The following TENT5B variants were observed in gnomAD, a reference collection of about 807,000 sequenced individuals.
TENT5B encodes terminal nucleotidyltransferase 5B, also known as family with sequence similarity 46 member B.
Under a neutral mutation model 21.7 loss-of-function variants are expected in TENT5B, and 12 were observed. The ratio of observed to expected loss-of-function variants is 0.55; its 90% confidence interval spans 0.36 to 0.90. The LOEUF (loss-of-function observed/expected upper bound fraction) is 0.90. TENT5B is among the 40% of genes least tolerant of loss of function. The pLI, the probability that TENT5B is intolerant of heterozygous loss-of-function variation, is 0.01. For synonymous variants in TENT5B, 262 were observed against 266.6 expected (o/e 0.98, Z 0.17); for missense variants, 540 against 601.5 (o/e 0.90, Z 1.07).
chr1:27,005,937 GTC>G lies in TENT5B; in HGVS notation c.*5_*6del. The G allele has an allele frequency of 6.4e-7, 1 of 1,550,770 alleles. No individual in the cohort carries two copies. Among genetic ancestry groups the G allele is most frequent in the African/African-American group, 1.4e-5 (1 of 73,684 alleles). ...CCCAGTCCCTTCCCTTCTGGCCAGGGTCTGAGTCAGTTACAAGGCAGCCAGGT... is the reference window on the plus strand; with the variant it reads ...CCCAGTCCCTTCCCTTCTGGCCAGGGTGAGTCAGTTACAAGGCAGCCAGGT... On this transcript the variant is annotated 3_prime_UTR_variant, in exon 2 of 2. Transcript: ENST00000289166.
Position 27,012,813 on chromosome 1 carries a change from A to C in TENT5B, c.-143T>G. The C allele has an allele frequency of 1.8e-6, 2 of 1,113,242 alleles. No homozygotes were observed. The highest frequency in any genetic ancestry group is 2.4e-6 in the Non-Finnish European group (2 of 837,246). 69.0% of individuals were successfully genotyped at this position (1,113,242 alleles called of 1,614,324 possible). The stretch of plus-strand genomic sequence containing the variant: ...AACGACGGCGAGACAAAGCCAGGGA[A>C]CACCTCAGACGGCGACGACTAACCG... On this transcript the variant is annotated 5_prime_UTR_variant, in exon 1 of 2. Transcript: ENST00000289166.
rs1436141511 is a variant in TENT5B, at chr1:27,006,432, G to A, written c.790C>T (p.Arg264Cys). Reference sequence around the variant, plus strand: ...TCGGGACTGCGCGTGGCGATGACACGGTGCCGCAGGTGCTCCAGGGCCTCG... The same window carrying A: ...TCGGGACTGCGCGTGGCGATGACACAGTGCCGCAGGTGCTCCAGGGCCTCG... The part of the protein sequence containing the change: ...FTEALEHLRH[R>C]VIATRSPEEI... The change falls in exon 2 of 2, where the codon CGT becomes TGT. Residue 264 changes from arginine (R) to cysteine (C), a missense_variant. Arg to Cys is a radical substitution (Grantham distance 180, BLOSUM62 -3). Coordinates refer to ENST00000289166, the MANE Select transcript of TENT5B (RefSeq NM_052943.4). The surrounding 1 kb of genome is among the most constrained non-coding windows in gnomAD (Gnocchi z 9.4). 5 of 1,613,366 alleles carry A rather than the reference G, an allele frequency of 3.1e-6. No individual in the cohort carries two copies. The highest frequency in any genetic ancestry group is 1.7e-5 in the Admixed American group (1 of 59,992).
chr1:27,006,942 G>T lies in TENT5B; in HGVS notation c.280C>A (p.Leu94Met), dbSNP rs2082602959. ...TGCACATGTAGTCCCTGCTCCTCCA[G>T]GGTGCTGCGGACCACCTGCAGGGGA... Reference protein sequence around the residue: ...RQIVQVVRSTLEEQGLHVHSV... With the variant: ...RQIVQVVRSTMEEQGLHVHSV... The change falls in exon 2 of 2, where the codon CTG (leucine) becomes ATG (methionine). Residue 94 changes from leucine to methionine, a missense_variant. Coordinates refer to ENST00000289166, the MANE Select transcript of TENT5B (RefSeq NM_052943.4). The surrounding 1 kb of genome is among the most constrained non-coding windows in gnomAD (Gnocchi z 9.4). 2 of 1,587,350 alleles carry T rather than the reference G, an allele frequency of 1.3e-6. No homozygotes were observed. The highest frequency in any genetic ancestry group is 1.1e-5 in the South Asian group (1 of 87,880).
chr1:27,010,327 G>A (rs945604846), intron 1 of TENT5B, among the ~76,000 whole-genome samples: 25 of 152,108 alleles, frequency 1.6e-4, no homozygotes, highest in Non-Finnish European at 1.0e-4. Flanking sequence ...CCTTGCAGGG[G>A]GGTAGAGGGA....
chr1:27,011,196 G>A (rs2124208214), intron 1 of TENT5B, among the ~76,000 whole-genome samples: 1 of 152,294 alleles, frequency 6.6e-6, no homozygotes, highest in East Asian at 1.9e-4. Flanking sequence ...GTCAGCCAAG[G>A]AGAATCTGCC....
At chr1:27,009,192 C>T (rs1005790794) in intron 1 of TENT5B, among the ~76,000 whole-genome samples, 20 of 151,694 alleles carry the variant, frequency 1.3e-4, no homozygotes, top group African/African-American at 4.1e-4. Flanking sequence ...TGGTCTCGAA[C>T]TCCCGGACTC....
intron 1 of TENT5B, among the ~76,000 whole-genome samples, chr1:27,011,690 T>G (rs1451986523): frequency 6.6e-6 from 1 of 152,212 alleles, no homozygotes; most frequent in Non-Finnish European, 1.5e-5. Flanking sequence ...GTCAGAATTC[T>G]CTTCTCCCTT....
In TENT5B at chr1:27,006,786, C is replaced by T. The variant is rs1234485268; in HGVS notation, c.436G>A (p.Val146Met). ...AAGTCTAGTAGGCAGGCCAGCACCA[C>T]TGCCTTGGTCAGCTGGAAGGATGCC... ...SEASFQLTKAVVLACLLDFLP... is the reference protein window; with the variant it reads ...SEASFQLTKAMVLACLLDFLP... The change falls in exon 2 of 2, where the codon GTG becomes ATG. Residue 146 changes from valine to methionine, a missense_variant. Transcript: ENST00000289166. This position sits in a 1 kb window ranked among gnomAD's most constrained non-coding sequence, Gnocchi z 9.4. 1 of 1,613,954 alleles carries T rather than the reference C, an allele frequency of 6.2e-7. No homozygotes were observed. Among genetic ancestry groups the T allele is most frequent in the African/African-American group, 1.3e-5 (1 of 74,920 alleles).
chr1:27,008,034 G>A (rs143388557), intron 1 of TENT5B, among the ~76,000 whole-genome samples: 11 of 152,056 alleles, frequency 7.2e-5, no homozygotes, highest in African/African-American at 1.9e-4. Context: ...TTTTGCTCTC[G>A]GATGAGGAAA....
intron 1 of TENT5B, among the ~76,000 whole-genome samples, chr1:27,008,201 TCA>T (rs778799818): frequency 4.7e-4 from 72 of 152,092 alleles, no homozygotes; most frequent in African/African-American, 1.5e-3. Flanking sequence ...TTGGGGACAT[TCA>T]GTTTTCTCAG....
At position 27,012,832 on chromosome 1, in the gene TENT5B, C is replaced by T. The variant is rs2082631539; in HGVS notation, c.-162G>A. 4.2e-6 allele frequency: 4 copies of T among 943,016 alleles called. No homozygotes were observed. The highest frequency in any genetic ancestry group is 5.8e-6 in the Non-Finnish European group (4 of 684,486). 58.4% of individuals were successfully genotyped at this position (943,016 alleles called of 1,614,324 possible). A position where few individuals can be genotyped will look rare whatever the true frequency, so the allele number is the denominator to read the frequency against. On this transcript the variant is annotated 5_prime_UTR_variant, in exon 1 of 2. Coordinates refer to ENST00000289166, the MANE Select transcript of TENT5B (RefSeq NM_052943.4). The stretch of plus-strand genomic sequence containing the variant: ...CAGGGAACACCTCAGACGGCGACGA[C>T]TAACCGACCCTAGCGCCTGCAGCCC...
At chr1:27,009,364 C>T (rs2082614539) in intron 1 of TENT5B, among the ~76,000 whole-genome samples, 1 of 152,174 alleles carries the variant, frequency 6.6e-6, no homozygotes, top group Admixed American at 6.5e-5. Flanking sequence ...TGGCCAACAG[C>T]AAAGCCTATC....
At chr1:27,011,441 G>A (rs935402111) in intron 1 of TENT5B, among the ~76,000 whole-genome samples, 1 of 152,154 alleles carries the variant, frequency 6.6e-6, no homozygotes, top group African/African-American at 2.4e-5. Context: ...CCGGGGAAGG[G>A]GTGGGAAAAC....
intron 1 of TENT5B, 110 bp downstream of exon 1, chr1:27,012,297 G>A (rs529298928): frequency 1.9e-5 from 28 of 1,485,976 alleles, no homozygotes; most frequent in Admixed American, 4.1e-5. Context: ...CCATGTCCCC[G>A]TTCCTCAGTT....
At chr1:27,011,466 A>G (rs759606836) in intron 1 of TENT5B, among the ~76,000 whole-genome samples, 2 of 152,204 alleles carry the variant, frequency 1.3e-5, no homozygotes, top group African/African-American at 2.4e-5. Context: ...AACCTACTGT[A>G]ATCTGCTCCT....
At chr1:27,010,673 T>A (rs562193875) in intron 1 of TENT5B, among the ~76,000 whole-genome samples, 1 of 152,244 alleles carries the variant, frequency 6.6e-6, no homozygotes, top group South Asian at 2.1e-4. Flanking sequence ...AATCCAGAAG[T>A]CCAACTTCCC....
chr1:27,012,280 G>T, intron 1 of TENT5B, 127 bp downstream of exon 1: 1 of 1,407,320 alleles, frequency 7.1e-7, no homozygotes, highest in Non-Finnish European at 9.6e-7. Context: ...CTGTGCAATT[G>T]TTACAGCCAT....
At position 27,006,431 on chromosome 1, in the gene TENT5B, C is replaced by T. The variant is rs368991096; in HGVS notation, c.791G>A (p.Arg264His). Reference sequence around the variant, plus strand: ...CTCGGGACTGCGCGTGGCGATGACACGGTGCCGCAGGTGCTCCAGGGCCTC... The same window carrying T: ...CTCGGGACTGCGCGTGGCGATGACATGGTGCCGCAGGTGCTCCAGGGCCTC... ...FTEALEHLRH[R>H]VIATRSPEEI... The change falls in exon 2 of 2, where the codon CGT (arginine) becomes CAT (histidine). Residue 264 changes from arginine to histidine, a missense_variant. Physicochemically the swap from Arg to His is conservative, Grantham distance 29. Transcript: ENST00000289166. The surrounding 1 kb of genome is among the most constrained non-coding windows in gnomAD (Gnocchi z 9.4). 27 of 1,613,518 alleles carry T rather than the reference C, an allele frequency of 1.7e-5. No individual in the cohort carries two copies. The highest frequency in any genetic ancestry group is 1.3e-4 in the African/African-American group (10 of 75,072).
Position 27,012,537 on chromosome 1 carries a change from G to T in TENT5B, c.134C>A (p.Pro45His). Reference sequence around the variant, plus strand: ...GCTCAGCCCACTCAGGTGCCGTCCGGGGAAGGCCGATAAGGCCTCCGGGTC... The same window carrying T: ...GCTCAGCCCACTCAGGTGCCGTCCGTGGAAGGCCGATAAGGCCTCCGGGTC... ...GPDPEALSAF[P>H]GRHLSGLSWP... The change falls in exon 1 of 2, where the codon CCC becomes CAC. Residue 45 changes from proline (P) to histidine (H), a missense_variant. Physicochemically the swap from Pro to His is moderately conservative, Grantham distance 77 (BLOSUM62 -2). Transcript: ENST00000289166. The T allele has an allele frequency of 6.2e-7, 1 of 1,601,942 alleles. No homozygotes were observed.
Sources: allele counts gnomAD v4.1 joint callset (sites outside exome capture counted in the v4.1 genomes callset), GRCh38; gene constraint gnomAD v4.1.1; non-coding constraint Gnocchi (gnomAD v3.1); transcripts MANE v1.5; gene names NCBI Gene and HGNC (gene_info 2026-07-23, HGNC 2026-07-21).